POMT1: variants seen among roughly 807,000 people sequenced by gnomAD.
POMT1 encodes protein O-mannosyltransferase 1, also known as protein O-mannosyl-transferase 1.
A neutral mutation model predicts 101.6 loss-of-function variants in POMT1; 85 were observed. The ratio of observed to expected loss-of-function variants is 0.84; its 90% CI spans 0.70 to 1.00. The LOEUF (loss-of-function observed/expected upper bound fraction) is 1.00, where lower values mean the gene tolerates loss of function less well. Among genes scored for constraint, POMT1 ranks in the 50% least tolerant of loss-of-function variants. The pLI, the probability that POMT1 is intolerant of heterozygous loss-of-function variation, is 0.00. For synonymous variants in POMT1, 371 were observed against 383.0 expected (o/e 0.97, Z 0.37); for missense variants, 857 against 930.4 (o/e 0.92, Z 1.03).
chr9:131,510,423 A>G lies in POMT1; in HGVS notation c.855+8A>G, dbSNP rs769960069. ...TTCCAGGCCAGCTTAGAGGTAAGTAAGCAGTGGGCATCGTGGCCACTGGAG... is the reference window on the plus strand; with the variant it reads ...TTCCAGGCCAGCTTAGAGGTAAGTAGGCAGTGGGCATCGTGGCCACTGGAG... On this transcript the variant is annotated splice_region_variant and intron_variant, in intron 9 of 19. Coordinates refer to ENST00000402686, the MANE Select transcript of POMT1 (RefSeq NM_001077365.2). 1.9e-6 allele frequency: 3 copies of G among 1,613,572 alleles called. No individual in the cohort carries two copies. In the East Asian group the frequency reaches 6.7e-5, roughly 36 times the overall value.
intron 11 of POMT1, 79 bp from the exon 12 acceptor site, chr9:131,513,160 A>C: frequency 8.0e-7 from 1 of 1,243,240 alleles, no homozygotes; most frequent in Non-Finnish European, 1.2e-6. Flanking sequence ...ATGAGAATTC[A>C]GAGCTGTGCC....
chr9:131,509,786 G>C lies in POMT1; in HGVS notation c.583G>C (p.Val195Leu). 1.2e-6 allele frequency: 2 copies of C among 1,614,198 alleles called. No homozygotes were observed. The highest frequency in any genetic ancestry group is 2.7e-5 in the African/African-American group (2 of 75,052). The change falls in exon 7 of 20, where the codon GTC becomes CTC. Residue 195 changes from valine (V) to leucine (L), a missense_variant. Coordinates refer to ENST00000402686, the MANE Select transcript of POMT1 (RefSeq NM_001077365.2). ...SWWFWLTLTG[V>L]ACSCAVGIKY... is the part of the protein sequence containing the mutation. ...GTGGTTCTGGCTAACACTGACAGGGGTCGCTTGTTCCTGTGCAGTGGGGTG... is the reference window on the plus strand; with the variant it reads ...GTGGTTCTGGCTAACACTGACAGGGCTCGCTTGTTCCTGTGCAGTGGGGTG...
At chr9:131,505,255 G>C (rs1010518649) in intron 2 of POMT1, among the ~76,000 whole-genome samples, 3 of 149,610 alleles carry the variant, frequency 2.0e-5, no homozygotes, top group Admixed American at 6.7e-5. Flanking sequence ...GCAAATCCTA[G>C]TATTCATAGA....
In POMT1 at chr9:131,518,795, G is replaced by A. The variant is rs188227116; in HGVS notation, c.1366-42G>A. ...CAACCCAAGTGGACACGGGAGCCACGGCCTTCCCATCACGCCCTTTACTCT... is the reference window on the plus strand; with the variant it reads ...CAACCCAAGTGGACACGGGAGCCACAGCCTTCCCATCACGCCCTTTACTCT... On this transcript the variant is annotated intron_variant, in intron 14 of 19. Transcript: ENST00000402686. The A allele has an allele frequency of 1.5e-5, 25 of 1,613,706 alleles. No homozygotes were observed. In the East Asian group the frequency reaches 2.5e-4, roughly 16 times the overall value.
At chr9:131,516,066 G>A (rs370918973) in intron 13 of POMT1, among the ~76,000 whole-genome samples, 70 of 29,060 alleles carry the variant, frequency 2.4e-3, no homozygotes, top group South Asian at 4.6e-3. Flanking sequence ...TCTAACACAG[G>A]ACACTTCCTC....
intron 9 of POMT1, 159 bp downstream of exon 9, chr9:131,510,574 C>CT: frequency 9.6e-7 from 1 of 1,037,102 alleles, no homozygotes. Flanking sequence ...GAGTCTTACT[C>CT]TGTCACCCAA....
rs202140413 is a variant in POMT1 at position 131,521,440 on chromosome 9, G to A, written c.1793G>A (p.Arg598Gln). The A allele has an allele frequency of 1.5e-4, 244 of 1,613,980 alleles. No homozygotes were observed. Among genetic ancestry groups the A allele is most frequent in the Middle Eastern group, 8.2e-4 (5 of 6,084 alleles). The part of the protein sequence containing the change: ...YALLSLWYLL[R>Q]RRRNVHDLPQ... ...CTGCTGTCCTTGTGGTACCTGCTCC[G>A]ACGGCGAAGAAATGTCCATGACCTC... The change falls in exon 18 of 20, where the codon CGA becomes CAA. Residue 598 changes from arginine (R) to glutamine (Q), a missense_variant. Coordinates refer to ENST00000402686, the MANE Select transcript of POMT1 (RefSeq NM_001077365.2).
rs766240294 is a variant in POMT1 at position 131,518,454 on chromosome 9, AAC to A, written c.1284_1285del (p.Asn428LysfsTer4). 3 of 1,613,360 alleles carry A rather than the reference AAC, an allele frequency of 1.9e-6. No homozygotes were observed. The highest frequency in any genetic ancestry group is 2.5e-6 in the Non-Finnish European group (3 of 1,179,508). ...AQNLWRLEIVNRGSDTDVWKT... is the reference protein window; with the variant it reads ...AQNLWRLEIVXRGSDTDVWKT... ...AGATGTCTTTTTGCAGGAAATTGTG[AAC>A]AGAGGATCTGACACAGACGTCTGGA... On this transcript the variant is annotated frameshift_variant, in exon 14 of 20. Coordinates refer to ENST00000402686, the MANE Select transcript of POMT1 (RefSeq NM_001077365.2). LOFTEE classifies it high-confidence loss of function.
In POMT1 at chr9:131,523,127, C is replaced by T. The variant is rs1950302509; in HGVS notation, c.*21C>T. ...ACTAGAACAAGAGTGTGGCAAAGAA[C>T]ACCCGTGCTGGGGTCGGGATGAGGT... On this transcript the variant is annotated 3_prime_UTR_variant, in exon 20 of 20. Transcript: ENST00000402686. The T allele has an allele frequency of 4.4e-6, 7 of 1,608,242 alleles. No individual in the cohort carries two copies. The highest frequency in any genetic ancestry group is 5.9e-6 in the Non-Finnish European group (7 of 1,179,178).
intron 11 of POMT1, 126 bp downstream of exon 11, chr9:131,512,262 T>C: frequency 6.6e-7 from 1 of 1,507,348 alleles, no homozygotes. Flanking sequence ...GTCATGGCCT[T>C]GAACACCAGC....
chr9:131,522,215 A>G lies in POMT1; in HGVS notation c.1994A>G (p.His665Arg). The G allele has an allele frequency of 1.9e-6, 3 of 1,613,636 alleles. No individual in the cohort carries two copies. The highest frequency in any genetic ancestry group is 1.7e-6 in the Non-Finnish European group (2 of 1,180,014). Residue 665 changes from histidine (H) to arginine (R), a missense_variant, in exon 19 of 20, where the codon CAC becomes CGC. Physicochemically the swap from His to Arg is conservative, Grantham distance 29 (BLOSUM62 0). Coordinates refer to ENST00000402686, the MANE Select transcript of POMT1 (RefSeq NM_001077365.2). The surrounding 1 kb of genome is among the most constrained non-coding windows in gnomAD (Gnocchi z 5.5). ...LPVVLQHISD[H>R]LCRSQLQRSI... ...GTGGTCCTGCAGCACATCAGCGACC[A>G]CCTGTGCAGGTACGGGGGCTGCGGA...
intron 5 of POMT1, among the ~76,000 whole-genome samples, chr9:131,507,751 C>G (rs556314995): frequency 1.6e-4 from 25 of 152,302 alleles, no homozygotes; most frequent in Admixed American, 1.5e-3. Flanking sequence ...TGCCCAGATG[C>G]TGCTGCAAAG....
chr9:131,515,851 T>C, intron 13 of POMT1, among the ~76,000 whole-genome samples: 1 of 116,998 alleles, frequency 8.5e-6, no homozygotes, highest in African/African-American at 3.1e-5. Flanking sequence ...CACGGAGCAC[T>C]TCCTCACAGG....
chr9:131,508,692 C>T (rs1447309745), intron 5 of POMT1, among the ~76,000 whole-genome samples: 2 of 152,172 alleles, frequency 1.3e-5, no homozygotes, highest in South Asian at 2.1e-4. Context: ...GAGCAAGACC[C>T]TGACTCAAAG....
At chr9:131,521,197 T>C (rs1949851422) in intron 17 of POMT1, 149 bp from the exon 18 acceptor site, 1 of 1,047,282 alleles carries the variant, frequency 9.5e-7, no homozygotes. Flanking sequence ...TCCACAGTAG[T>C]AGTAAGGCCT....
rs907178913 is a variant in POMT1 at position 131,522,606 on chromosome 9, G to A, written c.2004-326G>A. On this transcript the variant is annotated intron_variant, in intron 19 of 19. Coordinates refer to ENST00000402686, the MANE Select transcript of POMT1 (RefSeq NM_001077365.2). The surrounding 1 kb of genome is among the most constrained non-coding windows in gnomAD (Gnocchi z 5.5). ...AACCCAAGAAAGCTTCTAAACCAGA[G>A]TGTGTTTGGAGGTTGGAGCAGAGGG... is the stretch of plus-strand genomic sequence containing the variant. The A allele has an allele frequency of 9.4e-6, 5 of 532,016 alleles. No homozygotes were observed. Among genetic ancestry groups the A allele is most frequent in the Admixed American group, 3.2e-5 (1 of 31,564 alleles). The allele number at this position is 532,016 out of a possible 1,614,324, so 33.0% of individuals were successfully genotyped here. A position where few individuals can be genotyped will look rare whatever the true frequency, so the allele number is the denominator to read the frequency against.
chr9:131,509,140 T>C (rs895096948), intron 6 of POMT1, 118 bp downstream of exon 6: 1 of 742,622 alleles, frequency 1.3e-6, no homozygotes, highest in East Asian at 2.6e-5. Flanking sequence ...CCTTTTCATT[T>C]TGAGGAGTTG....
Position 131,518,821 on chromosome 9 carries a change from C to A in POMT1, c.1366-16C>A. ...GCCTTCCCATCACGCCCTTTACTCT[C>A]CTGCGGTGTCACCAGCTGAGCGGGG... On this transcript the variant is annotated splice_polypyrimidine_tract_variant and intron_variant, in intron 14 of 19. Transcript: ENST00000402686. 3 of 1,613,966 alleles carry A rather than the reference C, an allele frequency of 1.9e-6. No individual in the cohort carries two copies. Among genetic ancestry groups the A allele is most frequent in the Non-Finnish European group, 2.5e-6 (3 of 1,180,046 alleles).
intron 13 of POMT1, among the ~76,000 whole-genome samples, chr9:131,516,013 G>A (rs1284375809): frequency 6.0e-4 from 2 of 3,354 alleles, no homozygotes; most frequent in African/African-American, 1.2e-3. Flanking sequence ...TCTAACACAG[G>A]ACACTTCCTC....
Sources: gnomAD v4.1 joint callset for allele counts (sites outside exome capture counted in the v4.1 genomes callset) on GRCh38, gnomAD v4.1.1 for gene constraint, Gnocchi (gnomAD v3.1) non-coding constraint, MANE v1.5 for transcripts, NCBI Gene and HGNC (gene_info 2026-07-23, HGNC 2026-07-21) for gene names.